Variants in NRBP2 observed in about 807,000 individuals in gnomAD.
NRBP2 encodes nuclear receptor binding protein 2.
NRBP2 carries 47 observed loss-of-function variants against 74.4 expected under a neutral mutation model. The ratio of observed to expected loss-of-function variants is 0.63; its 90% CI spans 0.50 to 0.81. The LOEUF is 0.81. Among genes scored for constraint, NRBP2 ranks in the 30% least tolerant of loss-of-function variants. The pLI, the probability that NRBP2 is intolerant of heterozygous loss-of-function variation, is 0.00. For missense variants in NRBP2, 613 were observed against 690.1 expected, an observed-to-expected ratio of 0.89 and a Z score of 1.25; for synonymous variants, 312 against 273.8, an observed-to-expected ratio of 1.14 and a Z score of -1.38.
chr8:143,832,780 C>CAATA (rs1353023692), downstream of NRBP2, among the ~76,000 whole-genome samples: 1 of 152,226 alleles, frequency 6.6e-6, no homozygotes, highest in South Asian at 2.1e-4. Flanking sequence ...CACAAATGAT[C>CAATA]AATAAATACT....
At position 143,837,810 on chromosome 8, in the gene NRBP2, C is replaced by T. The variant is rs782275344; in HGVS notation, c.841-55G>A. 70 of 1,548,908 alleles carry T rather than the reference C, an allele frequency of 4.5e-5. No individual in the cohort carries two copies. Among genetic ancestry groups the T allele is most frequent in the Non-Finnish European group, 5.5e-5 (63 of 1,146,586 alleles). On this transcript the variant is annotated intron_variant, in intron 10 of 17. Transcript: ENST00000442628. This position sits in a 1 kb window ranked among gnomAD's most constrained non-coding sequence, Gnocchi z 4.3. ...GTGCAAGGGCTCTCTGCTCTGGCCCCGCAGTTCGAGGAGAGGTGGCCCCTG... is the reference window on the plus strand; with the variant it reads ...GTGCAAGGGCTCTCTGCTCTGGCCCTGCAGTTCGAGGAGAGGTGGCCCCTG...
At chr8:143,838,343 G>C (rs751474454) in intron 10 of NRBP2, among the ~76,000 whole-genome samples, 17 of 152,192 alleles carry the variant, frequency 1.1e-4, no homozygotes, top group Non-Finnish European at 2.2e-4. Flanking sequence ...AGCAGACCCA[G>C]GTGCAGATGT....
In NRBP2 at chr8:143,837,025, G is replaced by A. The variant is rs1243999502; in HGVS notation, c.1263+14C>T. On this transcript the variant is annotated intron_variant, in intron 14 of 17. Coordinates refer to ENST00000442628, the MANE Select transcript of NRBP2 (RefSeq NM_178564.4). The surrounding 1 kb of genome is among the most constrained non-coding windows in gnomAD (Gnocchi z 4.3). ...TCTGAGGGATGGCACTGAGCAGCAG[G>A]AGAGGGGACTCACCTTTCTGGTCTC... The A allele has an allele frequency of 6.2e-7, 1 of 1,606,004 alleles. No homozygotes were observed. The highest frequency in any genetic ancestry group is 1.3e-5 in the African/African-American group (1 of 74,192).
Position 143,840,445 on chromosome 8 carries a change from G to A in NRBP2, c.130-216C>T, listed in dbSNP as rs897053492. The stretch of plus-strand genomic sequence containing the variant: ...GGGGATTTGGAGCAGGTTTCAGGGG[G>A]TCGAGGGGGATCCCCAGGAAGCTAG... On this transcript the variant is annotated intron_variant, in intron 1 of 17. Coordinates refer to ENST00000442628, the MANE Select transcript of NRBP2 (RefSeq NM_178564.4). The surrounding 1 kb of genome is among the most constrained non-coding windows in gnomAD (Gnocchi z 5.7). 16 of 715,226 alleles carry A rather than the reference G, an allele frequency of 2.2e-5. No individual in the cohort carries two copies. The highest frequency in any genetic ancestry group is 3.1e-5 in the Non-Finnish European group (14 of 444,838). The allele number at this position is 715,226 out of a possible 1,614,324, so 44.3% of individuals were successfully genotyped here.
At position 143,833,715 on chromosome 8, in the gene NRBP2, A is replaced by G. The variant is rs1229833910; in HGVS notation, c.*1947T>C. 2.6e-5 allele frequency: 4 copies of G among 152,188 alleles called. No individual in the cohort carries two copies. Among genetic ancestry groups the G allele is most frequent in the Admixed American group, 2.6e-4 (4 of 15,268 alleles). The allele number at this position is 152,188 out of a possible 1,614,324, so 9.4% of individuals were successfully genotyped here. A position where few individuals can be genotyped will look rare whatever the true frequency, so the allele number is the denominator to read the frequency against. On this transcript the variant is annotated 3_prime_UTR_variant, in exon 18 of 18. Transcript: ENST00000442628. ...ATTTAAAAGGAAAAATTCAACAGAG[A>G]CATGATTAAGTGCAGCAATGGTGGT...
Position 143,837,756 on chromosome 8 carries a change from C to T in NRBP2, c.841-1G>A, listed in dbSNP as rs781835655. 2 of 1,559,014 alleles carry T rather than the reference C, an allele frequency of 1.3e-6. No homozygotes were observed. The highest frequency in any genetic ancestry group is 8.7e-7 in the Non-Finnish European group (1 of 1,150,544). The stretch of plus-strand genomic sequence containing the variant: ...GGGCCAGGCAGCAAAGGATGAACTC[C>T]TGGGGCACAGGGAGGAGAGGCTGGT... On this transcript the variant is annotated splice_acceptor_variant, in intron 10 of 17. Transcript: ENST00000442628. LOFTEE classifies it high-confidence loss of function. The surrounding 1 kb of genome is among the most constrained non-coding windows in gnomAD (Gnocchi z 4.3).
chr8:143,840,576 G>C lies in NRBP2; in HGVS notation c.129+130C>G. Reference sequence around the variant, plus strand: ...AGGGGTCCAGGGGTGGCTGATTCGCGGGCCGCGAGGGGCCGCGGAGAGGTT... The same window carrying C: ...AGGGGTCCAGGGGTGGCTGATTCGCCGGCCGCGAGGGGCCGCGGAGAGGTT... On this transcript the variant is annotated intron_variant, in intron 1 of 17. Transcript: ENST00000442628. This position sits in a 1 kb window ranked among gnomAD's most constrained non-coding sequence, Gnocchi z 5.7. 1 of 946,256 alleles carries C rather than the reference G, an allele frequency of 1.1e-6. No individual in the cohort carries two copies. The highest frequency in any genetic ancestry group is 1.5e-6 in the Non-Finnish European group (1 of 678,576). 58.6% of individuals were successfully genotyped at this position (946,256 alleles called of 1,614,324 possible).
In NRBP2 at chr8:143,840,624, CG is replaced by C. The variant is rs1818651830; in HGVS notation, c.129+81del. The C allele has an allele frequency of 7.9e-7, 1 of 1,266,802 alleles. No homozygotes were observed. Among genetic ancestry groups the C allele is most frequent in the Non-Finnish European group, 1.0e-6 (1 of 968,074 alleles). The allele number at this position is 1,266,802 out of a possible 1,614,324, so 78.5% of individuals were successfully genotyped here. A position where few individuals can be genotyped will look rare whatever the true frequency, so the allele number is the denominator to read the frequency against. ...GTTTCCAGCCGCCGCGCTCTCCCAG[CG>C]CCCCCACGCCCCGCGCAGCCTCCAG... On this transcript the variant is annotated intron_variant, in intron 1 of 17. Transcript: ENST00000442628. This position sits in a 1 kb window ranked among gnomAD's most constrained non-coding sequence, Gnocchi z 5.7.
rs554938092 is a variant in NRBP2, at chr8:143,839,407, A to G, written c.487T>C (p.Phe163Leu). ...WCTQILSALS[F>L]LHACSPPIIH... is the part of the protein sequence containing the mutation. ...ATTGGGGGGCTGCAGGCGTGCAGGA[A>G]GCTGCAGACGTTGGGGAGGGGAGAG... The change falls in exon 6 of 18, where the codon TTC becomes CTC. Residue 163 changes from phenylalanine to leucine, a missense_variant and splice_region_variant. This residue lies in a region of NRBP2 where 332 missense variants were observed against 429.2 expected (regional missense o/e 0.77). Transcript: ENST00000442628. The surrounding 1 kb of genome is among the most constrained non-coding windows in gnomAD (Gnocchi z 5.1). The G allele has an allele frequency of 8.3e-6, 13 of 1,566,890 alleles. No homozygotes were observed. The African/African-American group carries it at 1.8e-4, about 21-fold the overall frequency.
downstream of NRBP2, among the ~76,000 whole-genome samples, chr8:143,830,283 C>T (rs147725374): frequency 4.1e-4 from 62 of 152,382 alleles, no homozygotes; most frequent in East Asian, 0.011. Flanking sequence ...GCTACTCCAG[C>T]CCACTTGGCT....
At chr8:143,832,834 T>C (rs1474571986), downstream of NRBP2, among the ~76,000 whole-genome samples, 1 of 152,200 alleles carries the variant, frequency 6.6e-6, no homozygotes, top group Admixed American at 6.5e-5. Flanking sequence ...TGCTGAACGC[T>C]GGTTCCCCGG....
Position 143,835,803 on chromosome 8 carries a change from C to A in NRBP2, c.1437+17G>T. 3 of 1,601,132 alleles carry A rather than the reference C, an allele frequency of 1.9e-6. No individual in the cohort carries two copies. In the South Asian group the frequency reaches 3.3e-5, roughly 18 times the overall value. On this transcript the variant is annotated intron_variant, in intron 17 of 17. Coordinates refer to ENST00000442628, the MANE Select transcript of NRBP2 (RefSeq NM_178564.4). This position sits in a 1 kb window ranked among gnomAD's most constrained non-coding sequence, Gnocchi z 4.9. ...GTGCGCCCCCTCCGCCAGGCCGCGC[C>A]GCACCGCCCAGCGCACCTCGTGGAG...
rs879997919 is a variant in NRBP2 at position 143,839,681 on chromosome 8, G to C, written c.444+55C>G. 30 of 1,531,126 alleles carry C rather than the reference G, an allele frequency of 2.0e-5. No homozygotes were observed. Among genetic ancestry groups the C allele is most frequent in the South Asian group, 4.8e-5 (4 of 83,664 alleles). 94.8% of individuals were successfully genotyped at this position (1,531,126 alleles called of 1,614,324 possible). On this transcript the variant is annotated intron_variant, in intron 4 of 17. Coordinates refer to ENST00000442628, the MANE Select transcript of NRBP2 (RefSeq NM_178564.4). This position sits in a 1 kb window ranked among gnomAD's most constrained non-coding sequence, Gnocchi z 5.1. The stretch of plus-strand genomic sequence containing the variant: ...GCACCCCCTCACCATCCCAGTCCCC[G>C]AGGCTGCCCCAACCCCGTCCTGTCC...
Position 143,834,385 on chromosome 8 carries a change from C to T in NRBP2, c.*1277G>A, listed in dbSNP as rs1204904594. 1.1e-4 allele frequency: 16 copies of T among 152,198 alleles called. No individual in the cohort carries two copies. The highest frequency in any genetic ancestry group is 7.9e-4 in the Admixed American group (12 of 15,274). The allele number at this position is 152,198 out of a possible 1,614,324, so 9.4% of individuals were successfully genotyped here. On this transcript the variant is annotated 3_prime_UTR_variant, in exon 18 of 18. Coordinates refer to ENST00000442628, the MANE Select transcript of NRBP2 (RefSeq NM_178564.4). ...AAAGTGGGGACCTTGGCCCTGCCACCGAAAGGATGTGGATTCTGCCAGCAG... is the reference window on the plus strand; with the variant it reads ...AAAGTGGGGACCTTGGCCCTGCCACTGAAAGGATGTGGATTCTGCCAGCAG...
Position 143,835,546 on chromosome 8 carries a change from G to A in NRBP2, c.*116C>T, listed in dbSNP as rs367633115. Reference sequence around the variant, plus strand: ...GGAGACGGGGGGTTCCTTCACTACCGGGGCCTTTGTGCTCCCAGGCGCATG... The same window carrying A: ...GGAGACGGGGGGTTCCTTCACTACCAGGGCCTTTGTGCTCCCAGGCGCATG... On this transcript the variant is annotated 3_prime_UTR_variant, in exon 18 of 18. Transcript: ENST00000442628. This position sits in a 1 kb window ranked among gnomAD's most constrained non-coding sequence, Gnocchi z 4.9. 1.5e-4 allele frequency: 125 copies of A among 843,134 alleles called. 1 individual carries two copies. In the African/African-American group the frequency reaches 1.5e-3, roughly 10 times the overall value. The allele number at this position is 843,134 out of a possible 1,614,324, so 52.2% of individuals were successfully genotyped here. A position where few individuals can be genotyped will look rare whatever the true frequency, so the allele number is the denominator to read the frequency against.
chr8:143,840,617 C>G lies in NRBP2; in HGVS notation c.129+89G>C. ...CGGAGAGGTTTCCAGCCGCCGCGCT[C>G]TCCCAGCGCCCCCACGCCCCGCGCA... On this transcript the variant is annotated intron_variant, in intron 1 of 17. Coordinates refer to ENST00000442628, the MANE Select transcript of NRBP2 (RefSeq NM_178564.4). This position sits in a 1 kb window ranked among gnomAD's most constrained non-coding sequence, Gnocchi z 5.7. The G allele has an allele frequency of 8.0e-7, 1 of 1,246,046 alleles. No individual in the cohort carries two copies. Among genetic ancestry groups the G allele is most frequent in the South Asian group, 1.7e-5 (1 of 58,576 alleles). 77.2% of individuals were successfully genotyped at this position (1,246,046 alleles called of 1,614,324 possible). A position where few individuals can be genotyped will look rare whatever the true frequency, so the allele number is the denominator to read the frequency against.
rs1554653428 is a variant in NRBP2 at position 143,840,314 on chromosome 8, T to C, written c.130-85A>G. 3.3e-6 allele frequency: 5 copies of C among 1,499,626 alleles called. No individual in the cohort carries two copies. Among genetic ancestry groups the C allele is most frequent in the African/African-American group, 1.4e-5 (1 of 72,546 alleles). The allele number at this position is 1,499,626 out of a possible 1,614,324, so 92.9% of individuals were successfully genotyped here. A position where few individuals can be genotyped will look rare whatever the true frequency, so the allele number is the denominator to read the frequency against. On this transcript the variant is annotated intron_variant, in intron 1 of 17. Transcript: ENST00000442628. The surrounding 1 kb of genome is among the most constrained non-coding windows in gnomAD (Gnocchi z 5.7). ...TTGGTCCCTGTCCACACCTTTCCAG[T>C]GGGCCCAAGCGTGGGCTGCAGGCCC...
At chr8:143,838,582 C>T (rs1818535014) in intron 10 of NRBP2, 98 bp downstream of exon 10, 1 of 880,322 alleles carries the variant, frequency 1.1e-6, no homozygotes, top group Non-Finnish European at 1.8e-6. Flanking sequence ...CCCTCAACTG[C>T]ACAAACTGTG....
chr8:143,835,518 T>A lies in NRBP2; in HGVS notation c.*144A>T. On this transcript the variant is annotated 3_prime_UTR_variant, in exon 18 of 18. Coordinates refer to ENST00000442628, the MANE Select transcript of NRBP2 (RefSeq NM_178564.4). This position sits in a 1 kb window ranked among gnomAD's most constrained non-coding sequence, Gnocchi z 4.9. ...GCCCAAGGCAGGGTCAGCCCCACTC[T>A]CAGGAGACGGGGGGTTCCTTCACTA... The A allele has an allele frequency of 1.8e-4, 120 of 681,512 alleles. No individual in the cohort carries two copies. Among genetic ancestry groups the A allele is most frequent in the Middle Eastern group, 2.5e-4 (1 of 3,980 alleles). 42.2% of individuals were successfully genotyped at this position (681,512 alleles called of 1,614,324 possible).
Sources: allele counts gnomAD v4.1 joint callset (sites outside exome capture counted in the v4.1 genomes callset), GRCh38; gene constraint gnomAD v4.1.1; regional missense constraint gnomAD v4.1.1; non-coding constraint Gnocchi (gnomAD v3.1); transcripts MANE v1.5; gene names NCBI Gene and HGNC (gene_info 2026-07-23, HGNC 2026-07-21).